The following OST4 variants were observed in gnomAD, a reference collection of about 807,000 sequenced individuals.
OST4 encodes the protein dolichyl-diphosphooligosaccharide--protein glycosyltransferase subunit 4.
In OST4, 3 loss-of-function variants were observed where a neutral mutation model predicts 2.1. The ratio of observed to expected loss-of-function variants is 1.42; its 90% CI spans 0.65 to 3.67. The LOEUF is 3.67. Ranked by LOEUF, OST4 falls within the 30% of genes most tolerant of loss-of-function variation. The pLI, the probability that OST4 is intolerant of heterozygous loss-of-function variation, is 0.03. For synonymous variants in OST4, 23 were observed against 21.6 expected (o/e 1.06, Z -0.18); for missense variants, 52 against 47.1 (o/e 1.10, Z -0.30).
In OST4 at chr2:27,071,333, G is replaced by A; in HGVS notation, c.*16C>T. The stretch of plus-strand genomic sequence containing the variant: ...ACAGCCCCGGGCCGTTACCTGGGGC[G>A]GAGAAAGCGCCACTTTCATTCCTGC... On this transcript the variant is annotated 3_prime_UTR_variant, in exon 2 of 3. Coordinates refer to ENST00000456793, the MANE Select transcript of OST4 (RefSeq NM_001134693.2). 6.5e-7 allele frequency: 1 copy of A among 1,545,100 alleles called. No individual in the cohort carries two copies. Among genetic ancestry groups the A allele is most frequent in the Non-Finnish European group, 8.8e-7 (1 of 1,141,138 alleles).
intron 2 of OST4, 122 bp from the exon 3 acceptor site, chr2:27,070,843 C>G (rs1669248353): frequency 6.4e-6 from 1 of 156,094 alleles, no homozygotes. Flanking sequence ...TTAAGGCTGG[C>G]TCCAAAGCCC....
In OST4 at chr2:27,071,447, G is replaced by C. The variant is rs1448496101; in HGVS notation, c.16C>G (p.Gln6Glu). The change falls in exon 2 of 3, where the codon CAG (glutamine) becomes GAG (glutamate). Residue 6 changes from glutamine to glutamate, a missense_variant. Physicochemically the swap from Gln to Glu is conservative, Grantham distance 29. Coordinates refer to ENST00000456793, the MANE Select transcript of OST4 (RefSeq NM_001134693.2). MITDV[Q>E]LAIFANMLGV... ...AGCATGTTGGCGAAGATGGCGAGCT[G>C]CACGTCCGTGATCATCCTGCGGAGA... 1 of 1,551,440 alleles carries C rather than the reference G, an allele frequency of 6.4e-7. No homozygotes were observed. Among genetic ancestry groups the C allele is most frequent in the Non-Finnish European group, 8.7e-7 (1 of 1,146,872 alleles).
intron 2 of OST4, 96 bp downstream of exon 2, chr2:27,071,230 C>T (rs571316527): frequency 2.7e-6 from 2 of 753,098 alleles, no homozygotes; most frequent in African/African-American, 1.7e-5. Context: ...ATGCTTGGCC[C>T]GACACTTTCT....
intron 1 of OST4, 30 bp downstream of exon 1, chr2:27,071,571 C>A (rs1425922865): frequency 1.3e-6 from 1 of 769,210 alleles, no homozygotes. Flanking sequence ...GCGGGGCTGG[C>A]CCGTGGGACG....
intron 2 of OST4, among the ~76,000 whole-genome samples, 177 bp from the exon 3 acceptor site, chr2:27,070,898 T>G (rs1483773127): frequency 6.6e-6 from 1 of 152,042 alleles, no homozygotes; most frequent in Non-Finnish European, 1.5e-5. Context: ...ACCCCTGGCC[T>G]CAGAACATGG....
chr2:27,071,366 G>A lies in OST4; in HGVS notation c.97C>T (p.Pro33Ser). 6.4e-7 allele frequency: 1 copy of A among 1,551,564 alleles called. No individual in the cohort carries two copies. Among genetic ancestry groups the A allele is most frequent in the Non-Finnish European group, 8.7e-7 (1 of 1,146,848 alleles). The change falls in exon 2 of 3, where the codon CCC becomes TCC. Residue 33 changes from proline to serine, a missense_variant. By Grantham distance (74) the Pro-to-Ser change is moderately conservative (BLOSUM62 -1). Coordinates refer to ENST00000456793, the MANE Select transcript of OST4 (RefSeq NM_001134693.2). ...VLYHYVAVNN[P>S]KKQE ...CGCCACTTTCATTCCTGCTTCTTGG[G>A]ATTGTTGACGGCCACGTAGTGATAG...
At position 27,071,468 on chromosome 2, in the gene OST4, G is replaced by A. The variant is rs58863372; in HGVS notation, c.-1-5C>T. The A allele has an allele frequency of 7.0e-4, 1,088 of 1,548,214 alleles. 20 individuals are homozygous for A. In the East Asian group the frequency reaches 0.021, roughly 30 times the overall value. ...AGCTGCACGTCCGTGATCATCCTGC[G>A]GAGAAGAGAGGGGCTGAGCTGCGGG... On this transcript the variant is annotated splice_region_variant and splice_polypyrimidine_tract_variant and intron_variant, in intron 1 of 2. Coordinates refer to ENST00000456793, the MANE Select transcript of OST4 (RefSeq NM_001134693.2).
In OST4 at chr2:27,071,451, G is replaced by A. The variant is rs1254030864; in HGVS notation, c.12C>T (p.Asp4=). The A allele has an allele frequency of 3.9e-6, 6 of 1,551,236 alleles. No individual in the cohort carries two copies. Among genetic ancestry groups the A allele is most frequent in the Non-Finnish European group, 5.2e-6 (6 of 1,146,810 alleles). Residue 4 remains aspartate (D), a synonymous_variant, in exon 2 of 3, where the codon GAC becomes GAT. Transcript: ENST00000456793. ...TGTTGGCGAAGATGGCGAGCTGCAC[G>A]TCCGTGATCATCCTGCGGAGAAGAG... MIT[D]VQLAIFANML...
chr2:27,070,520 G>A lies in OST4; in HGVS notation c.*225C>T. ...TATATTTTTATATTGGGGGGAGGGAGTAGAAAAGCAAGCCCCTATACTGGG... is the reference window on the plus strand; with the variant it reads ...TATATTTTTATATTGGGGGGAGGGAATAGAAAAGCAAGCCCCTATACTGGG... On this transcript the variant is annotated 3_prime_UTR_variant, in exon 3 of 3. Coordinates refer to ENST00000456793, the MANE Select transcript of OST4 (RefSeq NM_001134693.2). The A allele has an allele frequency of 2.1e-6, 1 of 467,012 alleles. No homozygotes were observed. The highest frequency in any genetic ancestry group is 3.3e-5 in the South Asian group (1 of 30,680). The allele number at this position is 467,012 out of a possible 1,614,324, so 28.9% of individuals were successfully genotyped here.
In OST4 at chr2:27,071,550, C is replaced by T. The variant is rs1042571939; in HGVS notation, c.-2+51G>A. The T allele has an allele frequency of 3.8e-6, 4 of 1,062,630 alleles. No homozygotes were observed. The African/African-American group carries it at 6.4e-5, about 17-fold the overall frequency. 65.8% of individuals were successfully genotyped at this position (1,062,630 alleles called of 1,614,324 possible). A position where few individuals can be genotyped will look rare whatever the true frequency, so the allele number is the denominator to read the frequency against. On this transcript the variant is annotated intron_variant, in intron 1 of 2. Coordinates refer to ENST00000456793, the MANE Select transcript of OST4 (RefSeq NM_001134693.2). ...TCCTCGCCCCACGGGCCAGCCACGG[C>T]CACGGCCACGGCGGGGCTGGCCCGT...
intron 2 of OST4, among the ~76,000 whole-genome samples, chr2:27,071,046 T>C (rs1669256749): frequency 6.6e-6 from 1 of 152,230 alleles, no homozygotes; most frequent in Admixed American, 6.5e-5. Context: ...CCTTCGTTCC[T>C]ACCGGTGTCA....
At chr2:27,071,281 G>A (rs1391498604) in intron 2 of OST4, 45 bp downstream of exon 2, 7 of 1,296,938 alleles carry the variant, frequency 5.4e-6, no homozygotes, top group Non-Finnish European at 7.6e-6. Flanking sequence ...GCGCGGCCTC[G>A]CCACTCAGCT....
chr2:27,071,303 G>C lies in OST4; in HGVS notation c.*23+23C>G, dbSNP rs1319630911. The C allele has an allele frequency of 7.5e-6, 11 of 1,470,966 alleles. No homozygotes were observed. In the Admixed American group the frequency reaches 2.2e-4, roughly 29 times the overall value. 91.1% of individuals were successfully genotyped at this position (1,470,966 alleles called of 1,614,324 possible). On this transcript the variant is annotated intron_variant, in intron 2 of 2. Transcript: ENST00000456793. ...CTCGCCACTCAGCTCTGGGGACTGGGCGCTACAGCCCCGGGCCGTTACCTG... is the reference window on the plus strand; with the variant it reads ...CTCGCCACTCAGCTCTGGGGACTGGCCGCTACAGCCCCGGGCCGTTACCTG...
intron 2 of OST4, among the ~76,000 whole-genome samples, chr2:27,070,930 A>AC (rs1175302359): frequency 6.6e-6 from 1 of 151,840 alleles, no homozygotes; most frequent in Admixed American, 6.6e-5. Context: ...TACATCTGTC[A>AC]CCCCCCTCAC....
intron 2 of OST4, 151 bp from the exon 3 acceptor site, chr2:27,070,872 T>A (rs910248134): frequency 1.9e-5 from 3 of 156,856 alleles, no homozygotes; most frequent in African/African-American, 7.2e-5. Context: ...TTCTCTATAG[T>A]TTGGGTCAGC....
rs918049226 is a variant in OST4, at chr2:27,071,542, A to AGCCACG, written c.-2+53_-2+58dup. 217 of 1,190,824 alleles carry AGCCACG rather than the reference A, an allele frequency of 1.8e-4. No homozygotes were observed. The East Asian group carries it at 2.3e-3, about 13-fold the overall frequency. 73.8% of individuals were successfully genotyped at this position (1,190,824 alleles called of 1,614,324 possible). On this transcript the variant is annotated intron_variant, in intron 1 of 2. Coordinates refer to ENST00000456793, the MANE Select transcript of OST4 (RefSeq NM_001134693.2). Reference sequence around the variant, plus strand: ...AGAACCCGTCCTCGCCCCACGGGCCAGCCACGGCCACGGCCACGGCGGGGC... The same window carrying AGCCACG: ...AGAACCCGTCCTCGCCCCACGGGCCAGCCACGGCCACGGCCACGGCCACGGCGGGGC...
intron 1 of OST4, 34 bp downstream of exon 1, chr2:27,071,567 C>T: frequency 2.6e-6 from 2 of 779,166 alleles, no homozygotes; most frequent in South Asian, 1.7e-5. Context: ...CACGGCGGGG[C>T]TGGCCCGTGG....
intron 2 of OST4, 99 bp downstream of exon 2, chr2:27,071,227 G>C (rs1572841130): frequency 1.4e-5 from 10 of 734,866 alleles, no homozygotes; most frequent in Non-Finnish European, 2.3e-5. Context: ...ATCATGCTTG[G>C]CCCGACACTT....
rs1254727322 is a variant in OST4 at position 27,071,408 on chromosome 2, A to G, written c.55T>C (p.Phe19Leu). ...TAGTGATAGAGAACGACAAGCAAGA[A>G]GAGCGACACGCCCAGCATGTTGGCG... ...IFANMLGVSL[F>L]LLVVLYHYVA... The change falls in exon 2 of 3, where the codon TTC becomes CTC. Residue 19 changes from phenylalanine to leucine, a missense_variant. By Grantham distance (22) the Phe-to-Leu change is conservative (BLOSUM62 0). Coordinates refer to ENST00000456793, the MANE Select transcript of OST4 (RefSeq NM_001134693.2). The G allele has an allele frequency of 1.4e-5, 21 of 1,551,596 alleles. No individual in the cohort carries two copies. Among genetic ancestry groups the G allele is most frequent in the South Asian group, 1.2e-5 (1 of 84,072 alleles).
Sources: allele counts gnomAD v4.1 joint callset (sites outside exome capture counted in the v4.1 genomes callset), GRCh38; gene constraint gnomAD v4.1.1; transcripts MANE v1.5; gene names NCBI Gene and HGNC (gene_info 2026-07-23, HGNC 2026-07-21).